Variants in ALAS2 observed in about 807,000 individuals in gnomAD.
ALAS2 encodes 5-aminolevulinate synthase, erythroid-specific, mitochondrial.
In ALAS2, 3 loss-of-function variants were observed where a neutral mutation model predicts 33.7. The observed-to-expected ratio is 0.09, with a 90% confidence interval of 0.04 to 0.23. The LOEUF is 0.23. Among genes scored for constraint, ALAS2 ranks in the 10% least tolerant of loss-of-function variants. The probability of loss-of-function intolerance (pLI) is 1.00; values close to 1 mark genes in which losing one functional copy is unlikely to be tolerated. For synonymous variants in ALAS2, 191 were observed against 177.3 expected, an observed-to-expected ratio of 1.08 and a Z score of -0.61; for missense variants, 304 against 475.1, an observed-to-expected ratio of 0.64 and a Z score of 3.35.
intron 10 of ALAS2, among the ~76,000 whole-genome samples, chrX:55,012,491 C>T (rs1221243223): frequency 8.9e-6 from 1 of 112,402 alleles, no homozygotes; most frequent in Non-Finnish European, 1.9e-5. Flanking sequence ...TCAGGCCCTG[C>T]ATTAAAAACT....
At chrX:55,029,173 T>C (rs1231080631) in intron 1 of ALAS2, among the ~76,000 whole-genome samples, 1 of 112,127 alleles carries the variant, frequency 8.9e-6, no homozygotes, top group Non-Finnish European at 1.9e-5. Context: ...CACATGAATA[T>C]ACCAGGCTGG....
At chrX:55,012,513 G>A (rs989555203) in intron 10 of ALAS2, among the ~76,000 whole-genome samples, 1 of 112,678 alleles carries the variant, frequency 8.9e-6, no homozygotes, top group African/African-American at 3.2e-5. Flanking sequence ...CCCAGGCCGG[G>A]CATGGTGGCT....
intron 9 of ALAS2, 64 bp downstream of exon 9, chrX:55,014,683 T>C (rs1051330390): frequency 1.9e-6 from 2 of 1,065,299 alleles, no homozygotes; most frequent in South Asian, 2.7e-5. Context: ...TGTAGGTTTG[T>C]TGGGAGCGTG....
intron 9 of ALAS2, among the ~76,000 whole-genome samples, chrX:55,014,146 C>T (rs1201528898): frequency 8.9e-6 from 1 of 111,819 alleles, no homozygotes; most frequent in African/African-American, 3.3e-5. Flanking sequence ...CACACAAATA[C>T]GTGTTATTTA....
At chrX:55,030,846 A>G in intron 1 of ALAS2, 96 bp downstream of exon 1, 1 of 225,000 alleles carries the variant, frequency 4.4e-6, no homozygotes. Flanking sequence ...CAAAGGAAAA[A>G]GTCAGATCTA....
At chrX:55,026,962 G>T (rs181149014) in intron 1 of ALAS2, among the ~76,000 whole-genome samples, 226 of 110,701 alleles carry the variant, frequency 2.0e-3, no homozygotes, top group African/African-American at 7.0e-3. Flanking sequence ...ATGTGGTGGT[G>T]GTGGTAGAGT....
Position 55,021,168 on chromosome X carries a change from T to C in ALAS2, c.522A>G (p.Ala174=). 1 of 1,211,536 alleles carries C rather than the reference T, an allele frequency of 8.3e-7. No individual in the cohort carries two copies. The highest frequency in any genetic ancestry group is 1.1e-6 in the Non-Finnish European group (1 of 895,193). The change falls in exon 5 of 11, where the codon GCA becomes GCG. Residue 174 remains alanine (A), a synonymous_variant. Coordinates refer to ENST00000650242, the MANE Select transcript of ALAS2 (RefSeq NM_000032.5). ...CAGAGAAATGTTGGGCAAAGGGATA[T>C]GCATCAGCCCAGCGGTTCACAGTCT... ...VFKTVNRWAD[A]YPFAQHFSEA...
chrX:55,027,740 C>G (rs777257757), intron 1 of ALAS2: 41 of 1,207,805 alleles, frequency 3.4e-5, no homozygotes, highest in Non-Finnish European at 4.3e-5. Context: ...GAACAAGCAC[C>G]CTCCCCGTAC....
rs770352790 is a variant in ALAS2 at position 55,013,468 on chromosome X, C to T, written c.1600+18G>A. 3 of 1,201,453 alleles carry T rather than the reference C, an allele frequency of 2.5e-6. No homozygotes were observed. Among genetic ancestry groups the T allele is most frequent in the Non-Finnish European group, 3.4e-6 (3 of 888,712 alleles). ...TGAGGGGAGGGAGGTCCTGTAGGCACCCATGTTGAGAACTTACCCACAAAA... is the reference window on the plus strand; with the variant it reads ...TGAGGGGAGGGAGGTCCTGTAGGCATCCATGTTGAGAACTTACCCACAAAA... On this transcript the variant is annotated intron_variant, in intron 10 of 10. Transcript: ENST00000650242.
intron 9 of ALAS2, 136 bp from the exon 10 acceptor site, chrX:55,013,784 T>A (rs1935648979): frequency 1.4e-6 from 1 of 701,993 alleles, no homozygotes; most frequent in Non-Finnish European, 2.2e-6. Context: ...CATTAGGGGC[T>A]TAGTGGCAGC....
chrX:55,019,267 G>A (rs769813044), intron 6 of ALAS2, among the ~76,000 whole-genome samples: 180 of 111,254 alleles, frequency 1.6e-3, no homozygotes, highest in African/African-American at 5.6e-3. Context: ...AGGTGGTAGA[G>A]GGGAATGGGG....
intron 10 of ALAS2, among the ~76,000 whole-genome samples, chrX:55,010,138 C>T (rs1295139830): frequency 1.8e-5 from 2 of 111,556 alleles, no homozygotes; most frequent in Non-Finnish European, 3.8e-5. Flanking sequence ...CTCTTTCTCT[C>T]TTACCCTATA....
At position 55,025,887 on chromosome X, in the gene ALAS2, A is replaced by G; in HGVS notation, c.114T>C (p.Cys38=). 8.3e-7 allele frequency: 1 copy of G among 1,211,353 alleles called. No homozygotes were observed. The change falls in exon 2 of 11, where the codon TGT becomes TGC. Residue 38 remains cysteine (C), a synonymous_variant. Coordinates refer to ENST00000650242, the MANE Select transcript of ALAS2 (RefSeq NM_000032.5). ...THQFLFGIGR[C]PILATQGPNC... is the part of the protein sequence containing the mutation. ...TTGGTCCTTGGGTAGCCAGGATGGG[A>G]CAGCGTCCAATACCAAACAGGAACT... is the stretch of plus-strand genomic sequence containing the variant.
intron 6 of ALAS2, among the ~76,000 whole-genome samples, chrX:55,019,668 G>C (rs1400658192): frequency 1.8e-5 from 2 of 111,509 alleles, no homozygotes; most frequent in Non-Finnish European, 3.8e-5. Context: ...TGAAGATGGA[G>C]GGTTGTATTC....
chrX:55,017,434 A>G, intron 7 of ALAS2, 52 bp downstream of exon 7: 3 of 1,044,434 alleles, frequency 2.9e-6, no homozygotes, highest in Non-Finnish European at 1.3e-6. Context: ...CATGATCATC[A>G]TGGTTTTTGT....
intron 6 of ALAS2, among the ~76,000 whole-genome samples, chrX:55,018,779 G>A (rs1935749038): frequency 9.0e-6 from 1 of 110,791 alleles, no homozygotes; most frequent in Admixed American, 9.6e-5. Flanking sequence ...CAGGGCTGAG[G>A]GTGGGGTGAC....
At chrX:55,022,213 CTGCTGGAGG>C (rs1483046476) in intron 4 of ALAS2, among the ~76,000 whole-genome samples, 1 of 112,404 alleles carries the variant, frequency 8.9e-6, no homozygotes, top group East Asian at 2.8e-4. Context: ...ATTTATATGG[CTGCTGGAGG>C]TGCAAACTGG....
At chrX:55,011,752 A>G (rs893084300) in intron 10 of ALAS2, among the ~76,000 whole-genome samples, 15 of 111,579 alleles carry the variant, frequency 1.3e-4, no homozygotes, top group African/African-American at 4.9e-4. Flanking sequence ...GAGAACCAAG[A>G]ATACTGAGAG....
intron 9 of ALAS2, 139 bp downstream of exon 9, chrX:55,014,608 G>A: frequency 1.2e-6 from 1 of 835,421 alleles, no homozygotes. Context: ...TTTCAAAAAG[G>A]GAAACAAAGC....
Sources: allele counts gnomAD v4.1 joint callset (sites outside exome capture counted in the v4.1 genomes callset), GRCh38; gene constraint gnomAD v4.1.1; transcripts MANE v1.5; gene names NCBI Gene and HGNC (gene_info 2026-07-23, HGNC 2026-07-21).